DNAH1: variants seen among roughly 807,000 people sequenced by gnomAD.
DNAH1 encodes the protein axonemal beta dynein heavy chain 1.
Under a neutral mutation model 484.3 loss-of-function variants are expected in DNAH1, and 327 were observed. That is an observed-to-expected ratio of 0.68 (90% CI 0.62 to 0.74). The LOEUF is 0.74. Among genes scored for constraint, DNAH1 ranks in the 30% least tolerant of loss-of-function variants. The pLI is 0.00. For synonymous variants in DNAH1, 2,192 were observed against 2,191.9 expected (o/e 1.00, Z 0.00); for missense variants, 5,052 against 5,546.8 (o/e 0.91, Z 2.83).
intron 17 of DNAH1, 78 bp from the exon 18 acceptor site, chr3:52,352,474 T>C: frequency 6.5e-7 from 1 of 1,542,058 alleles, no homozygotes; most frequent in Non-Finnish European, 8.8e-7. Flanking sequence ...GGACCTCTGG[T>C]TCCCTGGGTT....
At chr3:52,323,349 C>T (rs544682093) in intron 2 of DNAH1, among the ~76,000 whole-genome samples, 2 of 151,954 alleles carry the variant, frequency 1.3e-5, no homozygotes, top group South Asian at 2.1e-4. Flanking sequence ...GGGGGAATGA[C>T]GAGGAGAGAA....
In DNAH1 at chr3:52,359,947, A is replaced by C; in HGVS notation, c.4439A>C (p.Lys1480Thr). The change falls in exon 27 of 78, where the codon AAG (lysine) becomes ACG (threonine). Residue 1480 changes from lysine to threonine, a missense_variant. Lys to Thr is a moderately conservative substitution (Grantham distance 78). Coordinates refer to ENST00000420323, the MANE Select transcript of DNAH1 (RefSeq NM_015512.5). ...LSDLVALVRG[K>T]LSRMQRAVLS... Reference sequence around the variant, plus strand: ...GATCTGGTGGCCCTTGTGCGGGGGAAGCTGTCCCGCATGCAGCGGGCAGTG... The same window carrying C: ...GATCTGGTGGCCCTTGTGCGGGGGACGCTGTCCCGCATGCAGCGGGCAGTG... 6.2e-7 allele frequency: 1 copy of C among 1,613,848 alleles called. No individual in the cohort carries two copies. Among genetic ancestry groups the C allele is most frequent in the East Asian group, 2.2e-5 (1 of 44,874 alleles).
chr3:52,318,976 G>A (rs971887413), intron 1 of DNAH1, among the ~76,000 whole-genome samples: 1 of 152,238 alleles, frequency 6.6e-6, no homozygotes, highest in Non-Finnish European at 1.5e-5. Flanking sequence ...GCTCCCCACA[G>A]GCACCCACTT....
In DNAH1 at chr3:52,388,786, C is replaced by G. The variant is rs374393243; in HGVS notation, c.9364-20C>G. 3.5e-5 allele frequency: 56 copies of G among 1,612,348 alleles called. No individual in the cohort carries two copies. The highest frequency in any genetic ancestry group is 5.0e-5 in the Admixed American group (3 of 59,976). ...CTAGCCCAGCCTCCCAGAGCCCACC[C>G]CACGGGGCTGCCCCTCCAGCTCATC... is the stretch of plus-strand genomic sequence containing the variant. On this transcript the variant is annotated intron_variant, in intron 58 of 77. Coordinates refer to ENST00000420323, the MANE Select transcript of DNAH1 (RefSeq NM_015512.5).
intron 15 of DNAH1, 145 bp downstream of exon 15, chr3:52,350,253 G>A: frequency 7.9e-7 from 1 of 1,260,774 alleles, no homozygotes; most frequent in African/African-American, 1.5e-5. Flanking sequence ...GGGTTTAGGG[G>A]GTTGTGAGCC....
At chr3:52,400,131 T>C in intron 77 of DNAH1, among the ~76,000 whole-genome samples, 194 bp from the exon 78 acceptor site, 1 of 152,218 alleles carries the variant, frequency 6.6e-6, no homozygotes, top group East Asian at 1.9e-4. Context: ...CTGCCATCCC[T>C]ATCTTCAGTC....
intron 8 of DNAH1, 63 bp from the exon 9 acceptor site, chr3:52,344,426 GC>G: frequency 6.4e-7 from 1 of 1,572,362 alleles, no homozygotes; most frequent in Non-Finnish European, 8.7e-7. Flanking sequence ...CAGAGCTTGG[GC>G]CCCGGCTGGG....
Position 52,395,075 on chromosome 3 carries a change from C to A in DNAH1, c.10968+16C>A. On this transcript the variant is annotated intron_variant, in intron 68 of 77. Coordinates refer to ENST00000420323, the MANE Select transcript of DNAH1 (RefSeq NM_015512.5). The surrounding 1 kb of genome is among the most constrained non-coding windows in gnomAD (Gnocchi z 4.4). The stretch of plus-strand genomic sequence containing the variant: ...TGAACCCCAGGCAAGTGCTGGAACC[C>A]TGGCAGGACTGGCACCTTGAGCTTG... 6.3e-7 allele frequency: 1 copy of A among 1,599,482 alleles called. No homozygotes were observed. Among genetic ancestry groups the A allele is most frequent in the African/African-American group, 1.3e-5 (1 of 74,728 alleles).
intron 16 of DNAH1, among the ~76,000 whole-genome samples, chr3:52,351,524 C>T (rs1409990342): frequency 6.6e-6 from 1 of 152,234 alleles, no homozygotes. Context: ...CACAGACCCC[C>T]TATGTCAGCT....
At chr3:52,398,010 C>T (rs1209685540) in intron 74 of DNAH1, 22 bp from the exon 75 acceptor site, 15 of 1,610,018 alleles carry the variant, frequency 9.3e-6, no homozygotes, top group Non-Finnish European at 1.3e-5. Flanking sequence ...CTTGACCCCA[C>T]AGTATTCCTT....
intron 1 of DNAH1, among the ~76,000 whole-genome samples, chr3:52,316,853 T>A (rs999639080): frequency 6.6e-6 from 1 of 152,206 alleles, no homozygotes; most frequent in Non-Finnish European, 1.5e-5. Flanking sequence ...TCAGCAAGTC[T>A]GTTTCCCCAT....
chr3:52,390,970 G>A lies in DNAH1; in HGVS notation c.9657G>A (p.Glu3219=). ...TCCCCAACGACACACTGTCAGTGGA[G>A]AACGGGGTCATCAACCAGTTTTCCC... The part of the protein sequence containing the change: ...AGLPNDTLSV[E]NGVINQFSQR... Residue 3219 remains glutamate, a synonymous_variant, in exon 61 of 78, where the codon GAG becomes GAA. Coordinates refer to ENST00000420323, the MANE Select transcript of DNAH1 (RefSeq NM_015512.5). The A allele has an allele frequency of 6.4e-7, 1 of 1,552,546 alleles. No homozygotes were observed. Among genetic ancestry groups the A allele is most frequent in the South Asian group, 1.2e-5 (1 of 84,074 alleles).
chr3:52,372,620 C>G (rs1421920826), intron 43 of DNAH1, among the ~76,000 whole-genome samples: 1 of 152,256 alleles, frequency 6.6e-6, no homozygotes, highest in Non-Finnish European at 1.5e-5. Flanking sequence ...TGGCTGTGCC[C>G]TTGGACAGGG....
Position 52,394,475 on chromosome 3 carries a change from G to C in DNAH1, c.10637G>C (p.Arg3546Pro). The stretch of plus-strand genomic sequence containing the variant: ...CCTGTCCCCTGCCAGAGTGAGTGGC[G>C]ATACCTCCTGTCTGGGGGCTCCATC... ...NEGKINQSEW[R>P]YLLSGGSISI... The change falls in exon 67 of 78, where the codon CGA becomes CCA. Residue 3546 changes from arginine (R) to proline (P), a missense_variant. By Grantham distance (103) the Arg-to-Pro change is moderately radical (BLOSUM62 -2). Around this residue, in one of 4 missense-constraint regions of DNAH1, gnomAD observed 2,929 missense variants for 3,409.4 expected, o/e 0.86. Coordinates refer to ENST00000420323, the MANE Select transcript of DNAH1 (RefSeq NM_015512.5). 2 of 1,613,946 alleles carry C rather than the reference G, an allele frequency of 1.2e-6. No homozygotes were observed. Among genetic ancestry groups the C allele is most frequent in the Non-Finnish European group, 1.7e-6 (2 of 1,179,856 alleles).
chr3:52,392,886 G>A lies in DNAH1; in HGVS notation c.10335G>A (p.Glu3445=), dbSNP rs893805518. 2.5e-6 allele frequency: 4 copies of A among 1,610,664 alleles called. No homozygotes were observed. Among genetic ancestry groups the A allele is most frequent in the East Asian group, 2.2e-5 (1 of 44,710 alleles). Reference sequence around the variant, plus strand: ...AGGACATCGACCTGACGCGCATGGAGTACATACCCGTGGCCATCCGCACCC... The same window carrying A: ...AGGACATCGACCTGACGCGCATGGAATACATACCCGTGGCCATCCGCACCC... The part of the protein sequence containing the change: ...TEKDIDLTRM[E]YIPVAIRTQI... Residue 3445 remains glutamate (E), a synonymous_variant, in exon 65 of 78, where the codon GAG becomes GAA. Transcript: ENST00000420323.
intron 8 of DNAH1, among the ~76,000 whole-genome samples, chr3:52,337,424 T>C (rs572268961): frequency 9.5e-4 from 144 of 152,344 alleles, no homozygotes; most frequent in African/African-American, 3.2e-3. Flanking sequence ...AATCCCTCTA[T>C]TTTGAGCCTT....
chr3:52,378,487 T>G, intron 46 of DNAH1, 115 bp from the exon 47 acceptor site: 1 of 1,157,798 alleles, frequency 8.6e-7, no homozygotes, highest in South Asian at 1.4e-5. Context: ...GCCTGAAGGC[T>G]GGGGAAGGGG....
Position 52,361,801 on chromosome 3 carries a change from C to T in DNAH1, c.4980+35C>T. 6.4e-7 allele frequency: 1 copy of T among 1,561,650 alleles called. No homozygotes were observed. On this transcript the variant is annotated intron_variant, in intron 30 of 77. Transcript: ENST00000420323. The surrounding 1 kb of genome is among the most constrained non-coding windows in gnomAD (Gnocchi z 5.6). ...GGGGACCCACCTTACTCCCTCAGAT[C>T]TGCCATACTCACGCCGCCATACTGC...
rs1702809900 is a variant in DNAH1, at chr3:52,360,495, G to A, written c.4685+71G>A. ...TAGTTCTCTCTGGCCCAGGAATCCAGGGACCATGGCCACTCTGGGGTGATC... is the reference window on the plus strand; with the variant it reads ...TAGTTCTCTCTGGCCCAGGAATCCAAGGACCATGGCCACTCTGGGGTGATC... On this transcript the variant is annotated intron_variant, in intron 28 of 77. Transcript: ENST00000420323. 8 of 1,349,480 alleles carry A rather than the reference G, an allele frequency of 5.9e-6. No homozygotes were observed. In the Admixed American group the frequency reaches 1.1e-4, roughly 19 times the overall value. 83.6% of individuals were successfully genotyped at this position (1,349,480 alleles called of 1,614,324 possible).
Sources: allele counts gnomAD v4.1 joint callset (sites outside exome capture counted in the v4.1 genomes callset), GRCh38; gene constraint gnomAD v4.1.1; regional missense constraint gnomAD v4.1.1; non-coding constraint Gnocchi (gnomAD v3.1); transcripts MANE v1.5; gene names NCBI Gene and HGNC (gene_info 2026-07-23, HGNC 2026-07-21).